The following SLC26A2 variants were observed in gnomAD, a reference collection of about 807,000 sequenced individuals.
SLC26A2 encodes the protein sulfate transporter.
SLC26A2 carries 36 observed loss-of-function variants against 41.1 expected under a neutral mutation model. That is an observed-to-expected ratio of 0.88 (90% CI 0.67 to 1.16). The LOEUF is 1.16. SLC26A2 is among the 50% of genes most tolerant of loss of function. SLC26A2 has a pLI of 0.00. For synonymous variants in SLC26A2, 291 were observed against 311.6 expected, an observed-to-expected ratio of 0.93 and a Z score of 0.70; for missense variants, 796 against 869.6, an observed-to-expected ratio of 0.92 and a Z score of 1.07.
Position 149,978,458 on chromosome 5 carries a change from A to T in SLC26A2, c.699+107A>T, listed in dbSNP as rs1271082749. The T allele has an allele frequency of 4.0e-6, 4 of 1,012,106 alleles. No individual in the cohort carries two copies. The South Asian group carries it at 4.0e-5, about 10-fold the overall frequency. 62.7% of individuals were successfully genotyped at this position (1,012,106 alleles called of 1,614,324 possible). A position where few individuals can be genotyped will look rare whatever the true frequency, so the allele number is the denominator to read the frequency against. ...ATCACAATAATTAAAGGTATCATTT[A>T]TTGAGAGTTCAGGATATATGAAGGG... On this transcript the variant is annotated intron_variant, in intron 2 of 2. Transcript: ENST00000286298.
chr5:149,963,115 TA>T, intron 1 of SLC26A2, among the ~76,000 whole-genome samples: 1 of 151,618 alleles, frequency 6.6e-6, no homozygotes, highest in Non-Finnish European at 1.5e-5. Flanking sequence ...TTTATTTATT[TA>T]TTTATTTTTT....
chr5:149,966,020 T>C (rs1754800102), intron 1 of SLC26A2, among the ~76,000 whole-genome samples: 1 of 152,220 alleles, frequency 6.6e-6, no homozygotes, highest in African/African-American at 2.4e-5. Flanking sequence ...TTCTTGTGCC[T>C]CAGCCTCCCA....
rs759438521 is a variant in SLC26A2 at position 149,981,736 on chromosome 5, G to C, written c.2143G>C (p.Ala715Pro). ...CCTTCTCTTCTATAGTGTGTATGAAGCGATGGCTTTTGCAGAAGTATCTAA... is the reference window on the plus strand; with the variant it reads ...CCTTCTCTTCTATAGTGTGTATGAACCGATGGCTTTTGCAGAAGTATCTAA... Reference protein sequence around the residue: ...ENLLFYSVYEAMAFAEVSKNQ... With the variant: ...ENLLFYSVYEPMAFAEVSKNQ... Residue 715 changes from alanine to proline, a missense_variant, in exon 3 of 3, where the codon GCG (alanine) becomes CCG (proline). Coordinates refer to ENST00000286298, the MANE Select transcript of SLC26A2 (RefSeq NM_000112.4). The C allele has an allele frequency of 6.2e-7, 1 of 1,611,784 alleles. No individual in the cohort carries two copies. Among genetic ancestry groups the C allele is most frequent in the Non-Finnish European group, 8.5e-7 (1 of 1,179,440 alleles).
chr5:149,982,958 G>A lies in SLC26A2; in HGVS notation c.*1145G>A, dbSNP rs1755134904. 1 of 150,980 alleles carries A rather than the reference G, an allele frequency of 6.6e-6. No individual in the cohort carries two copies. 9.4% of individuals were successfully genotyped at this position (150,980 alleles called of 1,614,324 possible). On this transcript the variant is annotated 3_prime_UTR_variant, in exon 3 of 3. Transcript: ENST00000286298. The stretch of plus-strand genomic sequence containing the variant: ...ATAGTTTTATATTTGGACCTTGAAA[G>A]GTAAGAAAAAACCAGGTTCTCCAAA...
intron 1 of SLC26A2, among the ~76,000 whole-genome samples, chr5:149,961,502 CTG>C (rs1216694439): frequency 2.6e-5 from 4 of 152,286 alleles, no homozygotes; most frequent in Non-Finnish European, 5.9e-5. Flanking sequence ...GATGGAAACA[CTG>C]AGAAGACAGA....
intron 2 of SLC26A2, among the ~76,000 whole-genome samples, chr5:149,980,078 T>A (rs1040980886): frequency 6.6e-6 from 1 of 152,222 alleles, no homozygotes; most frequent in South Asian, 2.1e-4. Context: ...CCTGGGTTAA[T>A]AAGTAACAGT....
rs939349976 is a variant in SLC26A2 at position 149,981,148 on chromosome 5, A to G, written c.1555A>G (p.Met519Val). 29 of 1,614,064 alleles carry G rather than the reference A, an allele frequency of 1.8e-5. No individual in the cohort carries two copies. Among genetic ancestry groups the G allele is most frequent in the East Asian group, 4.5e-5 (2 of 44,894 alleles). The change falls in exon 3 of 3, where the codon ATG (methionine) becomes GTG (valine). Residue 519 changes from methionine to valine, a missense_variant. By Grantham distance (21) the Met-to-Val change is conservative. Coordinates refer to ENST00000286298, the MANE Select transcript of SLC26A2 (RefSeq NM_000112.4). ...RMDTVIWFVT[M>V]LSSALLSTEI... Reference sequence around the variant, plus strand: ...GGATACAGTTATCTGGTTTGTTACTATGCTGTCCTCTGCACTGCTAAGTAC... The same window carrying G: ...GGATACAGTTATCTGGTTTGTTACTGTGCTGTCCTCTGCACTGCTAAGTAC...
At position 149,979,464 on chromosome 5, in the gene SLC26A2, A is replaced by G. The variant is rs1196516887; in HGVS notation, c.700-829A>G. ...AAAGAGACAGGGTCTCTCTATGACC[A>G]AACTCCTGGGCTCAAGTGATCCTCC... is the stretch of plus-strand genomic sequence containing the variant. On this transcript the variant is annotated intron_variant, in intron 2 of 2. Coordinates refer to ENST00000286298, the MANE Select transcript of SLC26A2 (RefSeq NM_000112.4). Among the ~76,000 whole-genome samples, 9 of 152,238 alleles carry G rather than the reference A, an allele frequency of 5.9e-5. No homozygotes were observed. In the East Asian group the frequency reaches 1.7e-3, roughly 29 times the overall value.
chr5:149,981,651 C>G lies in SLC26A2; in HGVS notation c.2058C>G (p.Cys686Trp). The stretch of plus-strand genomic sequence containing the variant: ...GAATCCAGGTTCTGCTGGCTCAGTG[C>G]AATCCCACTGTGAGGGATTCCCTAA... ...AIGIQVLLAQ[C>W]NPTVRDSLTN... Residue 686 changes from cysteine (C) to tryptophan (W), a missense_variant, in exon 3 of 3, where the codon TGC (cysteine) becomes TGG (tryptophan). Coordinates refer to ENST00000286298, the MANE Select transcript of SLC26A2 (RefSeq NM_000112.4). The G allele has an allele frequency of 6.2e-7, 1 of 1,613,934 alleles. No individual in the cohort carries two copies. Among genetic ancestry groups the G allele is most frequent in the Non-Finnish European group, 8.5e-7 (1 of 1,179,928 alleles).
chr5:149,980,536 C>A lies in SLC26A2; in HGVS notation c.943C>A (p.Leu315Ile), dbSNP rs550652441. The change falls in exon 3 of 3, where the codon CTT (leucine) becomes ATT (isoleucine). Residue 315 changes from leucine to isoleucine, a missense_variant. Physicochemically the swap from Leu to Ile is conservative, Grantham distance 5. Transcript: ENST00000286298. ...LITSLLCLLV[L>I]LPTKELNEHF... ...CACCAGCCTTTTGTGCCTTTTGGTT[C>A]TTTTGCCAACCAAAGAACTCAATGA... The A allele has an allele frequency of 6.2e-7, 1 of 1,614,150 alleles. No homozygotes were observed. The highest frequency in any genetic ancestry group is 1.1e-5 in the South Asian group (1 of 91,080).
rs2113698024 is a variant in SLC26A2 at position 149,980,558 on chromosome 5, A to G, written c.965A>G (p.Asn322Ser). ...LLVLLPTKELNEHFKSKLKAP... is the reference protein window; with the variant it reads ...LLVLLPTKELSEHFKSKLKAP... The stretch of plus-strand genomic sequence containing the variant: ...GTTCTTTTGCCAACCAAAGAACTCA[A>G]TGAACACTTCAAATCCAAGCTTAAG... Residue 322 changes from asparagine (N) to serine (S), a missense_variant, in exon 3 of 3, where the codon AAT (asparagine) becomes AGT (serine). Coordinates refer to ENST00000286298, the MANE Select transcript of SLC26A2 (RefSeq NM_000112.4). 6 of 1,614,188 alleles carry G rather than the reference A, an allele frequency of 3.7e-6. No individual in the cohort carries two copies. The highest frequency in any genetic ancestry group is 5.1e-6 in the Non-Finnish European group (6 of 1,180,026).
At chr5:149,979,058 A>G (rs1157582031) in intron 2 of SLC26A2, among the ~76,000 whole-genome samples, 1 of 151,846 alleles carries the variant, frequency 6.6e-6, no homozygotes, top group African/African-American at 2.4e-5. Flanking sequence ...AAAATTGCTG[A>G]TCTATTGAGC....
chr5:149,963,789 C>T (rs1285381634), intron 1 of SLC26A2, among the ~76,000 whole-genome samples: 1 of 119,280 alleles, frequency 8.4e-6, no homozygotes, highest in Non-Finnish European at 1.6e-5. Flanking sequence ...GCTATGTTAC[C>T]CAGGCTGGTC....
chr5:149,972,340 A>G (rs936618132), intron 1 of SLC26A2, among the ~76,000 whole-genome samples: 3 of 152,210 alleles, frequency 2.0e-5, no homozygotes, highest in Non-Finnish European at 2.9e-5. Flanking sequence ...GAGTGAATAC[A>G]TAAGTTTCTA....
intron 2 of SLC26A2, among the ~76,000 whole-genome samples, 155 bp downstream of exon 2, chr5:149,978,506 A>C (rs990654952): frequency 8.5e-5 from 13 of 152,102 alleles, no homozygotes; most frequent in Non-Finnish European, 1.6e-4. Context: ...TCAAACCCTA[A>C]CCTGACTCCA....
intron 1 of SLC26A2, among the ~76,000 whole-genome samples, chr5:149,974,356 T>G (rs978737194): frequency 4.0e-5 from 6 of 151,782 alleles, no homozygotes; most frequent in African/African-American, 1.4e-4. Flanking sequence ...TTTTGTTTTC[T>G]TTTTGTTTTT....
Position 149,978,354 on chromosome 5 carries a change from A to T in SLC26A2, c.699+3A>T. Reference sequence around the variant, plus strand: ...CCTTTATAGCTGGAGTTTATCAGGTAAGCAGCAATGAAACAATTGGTTATT... The same window carrying T: ...CCTTTATAGCTGGAGTTTATCAGGTTAGCAGCAATGAAACAATTGGTTATT... On this transcript the variant is annotated splice_donor_region_variant and intron_variant, in intron 2 of 2. Coordinates refer to ENST00000286298, the MANE Select transcript of SLC26A2 (RefSeq NM_000112.4). 6.2e-7 allele frequency: 1 copy of T among 1,605,834 alleles called. No homozygotes were observed. Among genetic ancestry groups the T allele is most frequent in the Non-Finnish European group, 8.5e-7 (1 of 1,175,304 alleles).
rs368864462 is a variant in SLC26A2 at position 149,981,338 on chromosome 5, G to T, written c.1745G>T (p.Arg582Leu). 2 of 1,613,946 alleles carry T rather than the reference G, an allele frequency of 1.2e-6. No individual in the cohort carries two copies. The highest frequency in any genetic ancestry group is 2.7e-5 in the African/African-American group (2 of 74,908). ...LQIKPGIKIF[R>L]FVAPLYYINK... ...ATTAAGCCAGGCATCAAGATTTTCCGCTTTGTAGCCCCTCTCTACTACATA... is the reference window on the plus strand; with the variant it reads ...ATTAAGCCAGGCATCAAGATTTTCCTCTTTGTAGCCCCTCTCTACTACATA... Residue 582 changes from arginine (R) to leucine (L), a missense_variant, in exon 3 of 3, where the codon CGC (arginine) becomes CTC (leucine). Transcript: ENST00000286298.
Position 149,978,061 on chromosome 5 carries a change from C to T in SLC26A2, c.409C>T (p.Pro137Ser), listed in dbSNP as rs755837989. Reference protein sequence around the residue: ...IAYSLLAGQEPVYGLYTSFFA... With the variant: ...IAYSLLAGQESVYGLYTSFFA... ...TTATTCCCTGCTGGCTGGCCAAGAA[C>T]CTGTCTATGGTCTGTACACATCTTT... is the stretch of plus-strand genomic sequence containing the variant. Residue 137 changes from proline (P) to serine (S), a missense_variant, in exon 2 of 3, where the codon CCT becomes TCT. By Grantham distance (74) the Pro-to-Ser change is moderately conservative. Transcript: ENST00000286298. 9.3e-6 allele frequency: 15 copies of T among 1,613,016 alleles called. No individual in the cohort carries two copies. The highest frequency in any genetic ancestry group is 3.4e-6 in the Non-Finnish European group (4 of 1,179,434).
Sources: allele counts gnomAD v4.1 joint callset (sites outside exome capture counted in the v4.1 genomes callset), GRCh38; gene constraint gnomAD v4.1.1; transcripts MANE v1.5; gene names NCBI Gene and HGNC (gene_info 2026-07-23, HGNC 2026-07-21).